MBOAT4: variants seen among roughly 807,000 people sequenced by gnomAD.
MBOAT4 encodes membrane bound ghrelin O-acyltransferase MBOAT4.
In MBOAT4, 11 loss-of-function variants were observed where a neutral mutation model predicts 13.2. That is an observed-to-expected ratio of 0.84 (90% CI 0.53 to 1.38). MBOAT4 has a LOEUF of 1.38. MBOAT4 is among the 40% of genes most tolerant of loss of function. The pLI is 0.00. For missense variants in MBOAT4, 481 were observed against 527.2 expected (o/e 0.91, Z 0.86); for synonymous variants, 202 against 210.3 (o/e 0.96, Z 0.34).
rs1292219654 is a variant in MBOAT4, at chr8:30,138,645, C to T, written c.231G>A (p.Leu77=). The T allele has an allele frequency of 6.4e-7, 1 of 1,551,274 alleles. No individual in the cohort carries two copies. The highest frequency in any genetic ancestry group is 2.0e-5 in the Admixed American group (1 of 50,966). ...TCCACCTGTGGACTTGCTGAGGAGC[C>T]AGGGAACAGAGGAGAGCCACAGCGC... ...AVCAVALLCS[L]APQQVHRWTF... The change falls in exon 2 of 3, where the codon CTG becomes CTA. Residue 77 remains leucine, a synonymous_variant. Transcript: ENST00000320542.
intron 2 of MBOAT4, chr8:30,137,781 C>A (rs1803180650): frequency 4.8e-6 from 2 of 415,344 alleles, no homozygotes; most frequent in South Asian, 6.4e-5. Flanking sequence ...CCCCTTCTTG[C>A]CTGGAAACTA....
chr8:30,140,623 G>A (rs990527635), intron 1 of MBOAT4, among the ~76,000 whole-genome samples: 2 of 152,082 alleles, frequency 1.3e-5, no homozygotes. Context: ...AAACAAAGAC[G>A]ATCTCCATCT....
chr8:30,132,016 T>C lies in MBOAT4; in HGVS notation c.1235A>G (p.Tyr412Cys), dbSNP rs1803025755. ...LSSLWLLCNS[Y>C]NSVFPMVYCI... ...GTACACCATGGGAAAGACACTGTTG[T>C]ACGAATTACAGAGCAACCAGAGAGA... The change falls in exon 3 of 3, where the codon TAC becomes TGC. Residue 412 changes from tyrosine to cysteine, a missense_variant. Physicochemically the swap from Tyr to Cys is radical, Grantham distance 194 (BLOSUM62 -2). Transcript: ENST00000320542. 3 of 1,551,866 alleles carry C rather than the reference T, an allele frequency of 1.9e-6. No individual in the cohort carries two copies. The highest frequency in any genetic ancestry group is 2.6e-6 in the Non-Finnish European group (3 of 1,147,064).
At position 30,131,769 on chromosome 8, in the gene MBOAT4, A is replaced by G. The variant is rs1563220140; in HGVS notation, c.*174T>C. The G allele has an allele frequency of 1.4e-6, 1 of 698,028 alleles. No individual in the cohort carries two copies. Among genetic ancestry groups the G allele is most frequent in the Non-Finnish European group, 2.3e-6 (1 of 439,554 alleles). The allele number at this position is 698,028 out of a possible 1,614,324, so 43.2% of individuals were successfully genotyped here. A position where few individuals can be genotyped will look rare whatever the true frequency, so the allele number is the denominator to read the frequency against. On this transcript the variant is annotated 3_prime_UTR_variant, in exon 3 of 3. Transcript: ENST00000320542. ...TTTTTGTATCCTCAGTACCAGCAGA[A>G]TAGCTTGCTAAAGTAGATACACAAA... is the stretch of plus-strand genomic sequence containing the variant.
intron 2 of MBOAT4, chr8:30,137,789 C>T: frequency 2.5e-6 from 1 of 404,626 alleles, no homozygotes; most frequent in Non-Finnish European, 4.5e-6. Flanking sequence ...TGCCTGGAAA[C>T]TAGACTGCCT....
chr8:30,143,907 C>T (rs1481607122), intron 1 of MBOAT4, among the ~76,000 whole-genome samples: 2 of 152,208 alleles, frequency 1.3e-5, no homozygotes, highest in Non-Finnish European at 2.9e-5. Context: ...ACAACCATCT[C>T]TCCTGAGAGT....
intron 1 of MBOAT4, among the ~76,000 whole-genome samples, chr8:30,143,366 AATATATATAT>A (rs1329756154): frequency 0.013 from 252 of 19,880 alleles, 1 homozygote; most frequent in African/African-American, 0.018. Context: ...AAAAAAAAAA[AATATATATAT>A]ATATATATAT....
Position 30,144,420 on chromosome 8 carries a change from G to C in MBOAT4, c.119+63C>G, listed in dbSNP as rs564890113. ...CAAATTGCAGGGATTACGGGCGTGA[G>C]CCACCGCACCCAGTCACTATAGTAT... is the stretch of plus-strand genomic sequence containing the variant. On this transcript the variant is annotated intron_variant, in intron 1 of 2. Transcript: ENST00000320542. 3.7e-5 allele frequency: 46 copies of C among 1,256,242 alleles called. 2 individuals are homozygous for C. In the South Asian group the frequency reaches 6.1e-4, roughly 17 times the overall value. 77.8% of individuals were successfully genotyped at this position (1,256,242 alleles called of 1,614,324 possible).
At chr8:30,142,036 G>A (rs1461125841) in intron 1 of MBOAT4, among the ~76,000 whole-genome samples, 2 of 152,122 alleles carry the variant, frequency 1.3e-5, no homozygotes, top group Admixed American at 1.3e-4. Flanking sequence ...CCTTTACACA[G>A]CAACACTCCC....
intron 2 of MBOAT4, among the ~76,000 whole-genome samples, chr8:30,135,910 T>C (rs1163867343): frequency 1.6e-5 from 1 of 61,562 alleles, no homozygotes; most frequent in Non-Finnish European, 3.5e-5. Context: ...TGAGACCTTG[T>C]CTGAAAAAAA....
chr8:30,135,988 A>G (rs988776269), intron 2 of MBOAT4, among the ~76,000 whole-genome samples: 2 of 152,068 alleles, frequency 1.3e-5, no homozygotes, highest in African/African-American at 2.4e-5. Context: ...TGGAGAGAAA[A>G]CAACAGTCTT....
intron 1 of MBOAT4, among the ~76,000 whole-genome samples, chr8:30,143,567 G>A (rs750084233): frequency 6.6e-6 from 1 of 151,882 alleles, no homozygotes; most frequent in Non-Finnish European, 1.5e-5. Flanking sequence ...AAAAAAATAG[G>A]TGCTGTCTCT....
intron 1 of MBOAT4, among the ~76,000 whole-genome samples, chr8:30,142,153 A>G (rs1803272772): frequency 6.6e-6 from 1 of 152,220 alleles, no homozygotes; most frequent in Non-Finnish European, 1.5e-5. Flanking sequence ...TGCATATTTC[A>G]TTCTAGGCAT....
chr8:30,144,592 G>GCCACT lies in MBOAT4; in HGVS notation c.5_9dup (p.Leu4SerfsTer44). The GCCACT allele has an allele frequency of 6.5e-7, 1 of 1,549,302 alleles. No individual in the cohort carries two copies. Among genetic ancestry groups the GCCACT allele is most frequent in the Non-Finnish European group, 8.7e-7 (1 of 1,145,210 alleles). On this transcript the variant is annotated frameshift_variant, in exon 1 of 3. Transcript: ENST00000320542. LOFTEE classifies it high-confidence loss of function. ...ATAGGATGGAGAAAGAACAGCCAAA[G>GCCACT]CCACTCCATTAGGAACCAGAACAAA...
Position 30,138,730 on chromosome 8 carries a change from C to A in MBOAT4, c.146G>T (p.Gly49Val). 6.5e-7 allele frequency: 1 copy of A among 1,549,936 alleles called. No homozygotes were observed. Among genetic ancestry groups the A allele is most frequent in the African/African-American group, 1.4e-5 (1 of 73,096 alleles). The change falls in exon 2 of 3, where the codon GGT becomes GTT. Residue 49 changes from glycine to valine, a missense_variant. Physicochemically the swap from Gly to Val is moderately radical, Grantham distance 109 (BLOSUM62 -3). Coordinates refer to ENST00000320542, the MANE Select transcript of MBOAT4 (RefSeq NM_001100916.2). ...ARYLFLLTGGGALAVAAMGSY... is the reference protein window; with the variant it reads ...ARYLFLLTGGVALAVAAMGSY... ...ACCCATGGCAGCCACGGCCAGGGCA[C>A]CTCCTCCAGTCAGGAGAAAGAGGTA...
At position 30,144,596 on chromosome 8, in the gene MBOAT4, C is replaced by G; in HGVS notation, c.6G>C (p.Glu2Asp). Residue 2 changes from glutamate (E) to aspartate (D), a missense_variant, in exon 1 of 3, where the codon GAG becomes GAC. Transcript: ENST00000320542. M[E>D]WLWLFFLHPI... The stretch of plus-strand genomic sequence containing the variant: ...GATGGAGAAAGAACAGCCAAAGCCA[C>G]TCCATTAGGAACCAGAACAAAAGAG... 6.5e-7 allele frequency: 1 copy of G among 1,547,388 alleles called. No homozygotes were observed. The highest frequency in any genetic ancestry group is 8.7e-7 in the Non-Finnish European group (1 of 1,143,798).
intron 2 of MBOAT4, among the ~76,000 whole-genome samples, chr8:30,136,489 A>G (rs1277766243): frequency 6.6e-6 from 1 of 152,156 alleles, no homozygotes; most frequent in Non-Finnish European, 1.5e-5. Context: ...GCACTGTGTG[A>G]TGGCAGCAGC....
chr8:30,133,018 G>A, intron 2 of MBOAT4, 112 bp from the exon 3 acceptor site: 2 of 998,506 alleles, frequency 2.0e-6, no homozygotes, highest in East Asian at 2.8e-5. Context: ...GTACAGCTAA[G>A]ATTAATCTCA....
intron 2 of MBOAT4, among the ~76,000 whole-genome samples, chr8:30,135,062 T>C (rs1302968748): frequency 1.9e-4 from 28 of 150,354 alleles, no homozygotes; most frequent in African/African-American, 6.6e-4. Context: ...GTGGGTTTTT[T>C]TTTTTTTTTT....
Sources: allele counts gnomAD v4.1 joint callset (sites outside exome capture counted in the v4.1 genomes callset), GRCh38; gene constraint gnomAD v4.1.1; transcripts MANE v1.5; gene names NCBI Gene and HGNC (gene_info 2026-07-23, HGNC 2026-07-21).